Variants in TMEM87A observed in about 807,000 individuals in gnomAD.
TMEM87A encodes the protein Golgi-pH regulating cation channel.
A neutral mutation model predicts 90.0 loss-of-function variants in TMEM87A; 50 were observed. That is an observed-to-expected ratio of 0.56 (90% CI 0.44 to 0.70). The LOEUF (loss-of-function observed/expected upper bound fraction) is 0.70. Among genes scored for constraint, TMEM87A ranks in the 30% least tolerant of loss-of-function variants. TMEM87A has a pLI of 0.00. For synonymous variants in TMEM87A, 226 were observed against 226.7 expected (o/e 1.00, Z 0.03); for missense variants, 577 against 660.5 (o/e 0.87, Z 1.39).
In TMEM87A at chr15:42,242,730, A is replaced by G. The variant is rs955628938; in HGVS notation, c.622+1320T>C. Among the ~76,000 whole-genome samples the G allele has an allele frequency of 3.9e-5, 6 of 152,236 alleles. No homozygotes were observed. The East Asian group carries it at 1.2e-3, about 29-fold the overall frequency. The stretch of plus-strand genomic sequence containing the variant: ...GAAAGCCCATATGATCATTTAAATC[A>G]GTACAATTAAACTATTTGATAAAGC... On this transcript the variant is annotated intron_variant, in intron 7 of 19. Transcript: ENST00000389834.
chr15:42,246,733 G>C (rs989406752), intron 6 of TMEM87A, among the ~76,000 whole-genome samples: 3 of 152,096 alleles, frequency 2.0e-5, no homozygotes, highest in Non-Finnish European at 4.4e-5. Context: ...TTGCTATTGC[G>C]AACAGTGCTG....
chr15:42,264,739 C>T (rs866399240), intron 3 of TMEM87A, among the ~76,000 whole-genome samples: 21 of 134,698 alleles, frequency 1.6e-4, no homozygotes, highest in Admixed American at 1.1e-3. Context: ...GGTATACATA[C>T]GCAACTTTGT....
chr15:42,226,598 G>C, intron 15 of TMEM87A: 1 of 513,004 alleles, frequency 1.9e-6, no homozygotes, highest in South Asian at 3.0e-5. Flanking sequence ...ATATAGAAAG[G>C]AAACTAAGGC....
At chr15:42,220,003 A>T in intron 16 of TMEM87A, 59 bp downstream of exon 16, 3 of 1,416,236 alleles carry the variant, frequency 2.1e-6, no homozygotes, top group Non-Finnish European at 2.9e-6. Context: ...AATAATAAAC[A>T]ATGTACTTAC....
chr15:42,271,511 T>A (rs562883926), intron 2 of TMEM87A: 1 of 152,334 alleles, frequency 6.6e-6, no homozygotes, highest in Non-Finnish European at 1.5e-5. Flanking sequence ...TGTAATATCG[T>A]ATTTGTACTC....
At chr15:42,272,222 A>G in intron 1 of TMEM87A, 99 bp from the exon 2 acceptor site, 1 of 810,370 alleles carries the variant, frequency 1.2e-6, no homozygotes, top group Non-Finnish European at 2.0e-6. Flanking sequence ...CTTAACTTAA[A>G]TCTTTATGGG....
intron 6 of TMEM87A, among the ~76,000 whole-genome samples, 165 bp downstream of exon 6, chr15:42,260,793 T>A (rs2051272460): frequency 6.6e-6 from 1 of 152,204 alleles, no homozygotes; most frequent in African/African-American, 2.4e-5. Context: ...AAATCACTCA[T>A]ACTATCATCC....
intron 6 of TMEM87A, chr15:42,258,209 C>A: frequency 1.1e-6 from 1 of 949,402 alleles, no homozygotes; most frequent in Non-Finnish European, 1.3e-6. Flanking sequence ...ACGACATGTC[C>A]ATGTTATATT....
intron 6 of TMEM87A, among the ~76,000 whole-genome samples, chr15:42,244,452 C>T (rs1595730305): frequency 1.3e-5 from 2 of 151,944 alleles, no homozygotes; most frequent in East Asian, 3.9e-4. Context: ...AATTTAATCT[C>T]TGTTTAACTA....
intron 6 of TMEM87A, among the ~76,000 whole-genome samples, 183 bp downstream of exon 6, chr15:42,260,771 CAAAG>C (rs2051272105): frequency 6.6e-6 from 1 of 152,088 alleles, no homozygotes; most frequent in Non-Finnish European, 1.5e-5. Flanking sequence ...TCAGAAAACA[CAAAG>C]AAACTAAAAA....
intron 2 of TMEM87A, among the ~76,000 whole-genome samples, chr15:42,269,040 G>A (rs2051461070): frequency 6.6e-6 from 1 of 151,932 alleles, no homozygotes; most frequent in Admixed American, 6.6e-5. Flanking sequence ...TACCTTAAAA[G>A]AGGCCTCAAG....
intron 10 of TMEM87A, among the ~76,000 whole-genome samples, chr15:42,234,835 T>A (rs2050744302): frequency 6.6e-6 from 1 of 152,162 alleles, no homozygotes; most frequent in South Asian, 2.1e-4. Context: ...CCTATCAGGA[T>A]CTCTTGACAC....
At chr15:42,228,938 C>T (rs1256507047) in intron 12 of TMEM87A, 118 bp from the exon 13 acceptor site, 18 of 616,074 alleles carry the variant, frequency 2.9e-5, no homozygotes, top group Non-Finnish European at 4.2e-5. Flanking sequence ...TCTCAGAGGC[C>T]TTATAGCTCT....
At chr15:42,242,995 G>A (rs977807833) in intron 7 of TMEM87A, among the ~76,000 whole-genome samples, 5 of 152,038 alleles carry the variant, frequency 3.3e-5, no homozygotes, top group Admixed American at 6.6e-5. Flanking sequence ...GGCCAGGCAC[G>A]GCGGCTCACC....
chr15:42,246,378 G>A (rs941570517), intron 6 of TMEM87A, among the ~76,000 whole-genome samples: 1 of 152,126 alleles, frequency 6.6e-6, no homozygotes, highest in African/African-American at 2.4e-5. Context: ...CATGTGCCAT[G>A]TTGGTTTGTT....
intron 6 of TMEM87A, among the ~76,000 whole-genome samples, chr15:42,248,405 T>A (rs1025166274): frequency 6.6e-6 from 1 of 152,218 alleles, no homozygotes; most frequent in Non-Finnish European, 1.5e-5. Context: ...TTCAGTATGA[T>A]ATTGGCTGTG....
At chr15:42,243,409 T>C (rs762132636) in intron 7 of TMEM87A, among the ~76,000 whole-genome samples, 49 of 151,586 alleles carry the variant, frequency 3.2e-4, no homozygotes, top group Non-Finnish European at 7.4e-5. Flanking sequence ...AGGAAGTTCT[T>C]GGAAATTCCA....
chr15:42,251,797 G>A (rs1242303225), intron 6 of TMEM87A, among the ~76,000 whole-genome samples: 2 of 152,246 alleles, frequency 1.3e-5, no homozygotes, highest in African/African-American at 2.4e-5. Flanking sequence ...AGACAGGGAC[G>A]TTTTAGTCTT....
intron 19 of TMEM87A, among the ~76,000 whole-genome samples, chr15:42,215,343 T>C (rs560323562): frequency 3.9e-5 from 6 of 152,058 alleles, no homozygotes; most frequent in Admixed American, 1.3e-4. Context: ...ACTAAAAAAA[T>C]GCAAAAAATT....
Sources: allele counts gnomAD v4.1 joint callset (sites outside exome capture counted in the v4.1 genomes callset), GRCh38; gene constraint gnomAD v4.1.1; transcripts MANE v1.5; gene names NCBI Gene and HGNC (gene_info 2026-07-23, HGNC 2026-07-21).